The following BLK variants were observed in gnomAD, a reference collection of about 807,000 sequenced individuals.
BLK encodes tyrosine-protein kinase Blk.
BLK carries 64 observed loss-of-function variants against 61.8 expected under a neutral mutation model. The observed-to-expected ratio is 1.03, with a 90% CI of 0.85 to 1.27. BLK has a LOEUF of 1.27. Among genes scored for constraint, BLK ranks in the 50% most tolerant of loss-of-function variants. The pLI is 0.00. For synonymous variants in BLK, 351 were observed against 272.0 expected, an observed-to-expected ratio of 1.29 and a Z score of -2.86; for missense variants, 853 against 660.5, an observed-to-expected ratio of 1.29 and a Z score of -3.19.
intron 3 of BLK, among the ~76,000 whole-genome samples, chr8:11,546,429 A>C (rs1800646466): frequency 6.6e-6 from 1 of 152,226 alleles, no homozygotes; most frequent in Non-Finnish European, 1.5e-5. Context: ...TCTCAAACGC[A>C]AAGGGCTGGG....
At chr8:11,495,414 A>T (rs1006941013) in intron 1 of BLK, among the ~76,000 whole-genome samples, 1 of 152,182 alleles carries the variant, frequency 6.6e-6, no homozygotes, top group African/African-American at 2.4e-5. Context: ...AAGAGTATGG[A>T]AAGGGAGAAA....
At chr8:11,498,158 T>C (rs1387992647) in intron 1 of BLK, among the ~76,000 whole-genome samples, 1 of 152,204 alleles carries the variant, frequency 6.6e-6, no homozygotes, top group Non-Finnish European at 1.5e-5. Flanking sequence ...ATGCTGAACC[T>C]GGACCAGTGG....
intron 10 of BLK, 130 bp from the exon 11 acceptor site, chr8:11,561,172 C>G: frequency 7.6e-7 from 1 of 1,321,414 alleles, no homozygotes; most frequent in Non-Finnish European, 1.1e-6. Flanking sequence ...AACACAGTCA[C>G]CTTTCTACTC....
At chr8:11,507,698 G>A (rs1798830490) in intron 1 of BLK, among the ~76,000 whole-genome samples, 1 of 152,164 alleles carries the variant, frequency 6.6e-6, no homozygotes, top group East Asian at 1.9e-4. Context: ...CTCAGTGGGT[G>A]CCAAAGATCA....
rs775226143 is a variant in BLK at position 11,549,083 on chromosome 8, G to A, written c.329G>A (p.Ser110Asn). ...ACAGGAAGAGAAGGCTATGTGCCCA[G>A]TAACTTTGTGGCCCGAGTGGAGAGC... ...LVTGREGYVP[S>N]NFVARVESLE... The change falls in exon 5 of 13, where the codon AGT becomes AAT. Residue 110 changes from serine (S) to asparagine (N), a missense_variant. Coordinates refer to ENST00000259089, the MANE Select transcript of BLK (RefSeq NM_001715.3). 14 of 1,611,724 alleles carry A rather than the reference G, an allele frequency of 8.7e-6. No homozygotes were observed. Among genetic ancestry groups the A allele is most frequent in the Admixed American group, 3.3e-5 (2 of 59,716 alleles).
At chr8:11,548,875 G>A in intron 4 of BLK, 149 bp from the exon 5 acceptor site, 1 of 763,022 alleles carries the variant, frequency 1.3e-6, no homozygotes, top group East Asian at 2.7e-5. Flanking sequence ...CTGAGCAGTG[G>A]GCACAAGCCC....
At chr8:11,532,055 C>T (rs925693034) in intron 1 of BLK, among the ~76,000 whole-genome samples, 4 of 152,104 alleles carry the variant, frequency 2.6e-5, no homozygotes, top group African/African-American at 9.7e-5. Flanking sequence ...GATGGGGTTT[C>T]ACCATGTTGG....
intron 1 of BLK, among the ~76,000 whole-genome samples, chr8:11,541,778 G>A (rs1294755176): frequency 1.3e-5 from 2 of 152,132 alleles, no homozygotes; most frequent in African/African-American, 2.4e-5. Flanking sequence ...GATTACAGGT[G>A]TGAGCCACCG....
chr8:11,557,061 G>A (rs1801273194), intron 9 of BLK, among the ~76,000 whole-genome samples: 1 of 152,160 alleles, frequency 6.6e-6, no homozygotes, highest in Non-Finnish European at 1.5e-5. Flanking sequence ...TCTCAGCCCA[G>A]GAGCAGTTCA....
chr8:11,512,268 T>C (rs2736355), intron 1 of BLK, among the ~76,000 whole-genome samples: 127,671 of 152,210 alleles, frequency 0.84, 53,745 homozygotes, highest in Admixed American at 0.89. Context: ...CAAGCAGACC[T>C]GTGGAGGACA....
At chr8:11,500,529 T>C (rs1398390535) in intron 1 of BLK, among the ~76,000 whole-genome samples, 4 of 151,840 alleles carry the variant, frequency 2.6e-5, no homozygotes, top group Non-Finnish European at 5.9e-5. Flanking sequence ...TGTTTTTGTT[T>C]GTTTGAGATA....
intron 1 of BLK, among the ~76,000 whole-genome samples, chr8:11,507,227 G>C (rs1798807808): frequency 6.6e-6 from 1 of 152,222 alleles, no homozygotes; most frequent in Admixed American, 6.5e-5. Flanking sequence ...ACTGAAGCGG[G>C]CTAGGGAGGA....
chr8:11,534,992 G>A (rs1800053187), intron 1 of BLK, among the ~76,000 whole-genome samples: 2 of 152,074 alleles, frequency 1.3e-5, no homozygotes, highest in Non-Finnish European at 2.9e-5. Flanking sequence ...TGGGCAACAT[G>A]ATGAAATCCC....
In BLK at chr8:11,554,861, G is replaced by C. The variant is rs140834602; in HGVS notation, c.591G>C (p.Ser197=). The C allele has an allele frequency of 6.2e-7, 1 of 1,613,672 alleles. No individual in the cohort carries two copies. The highest frequency in any genetic ancestry group is 8.5e-7 in the Non-Finnish European group (1 of 1,179,980). ...YYISPRITFP[S]LQALVQHYSK... The stretch of plus-strand genomic sequence containing the variant: ...TCTCCCCCCGGATCACCTTCCCCTC[G>C]CTCCAGGCCCTGGTGCAGCACTATT... Residue 197 remains serine, a synonymous_variant, in exon 7 of 13, where the codon TCG becomes TCC. Coordinates refer to ENST00000259089, the MANE Select transcript of BLK (RefSeq NM_001715.3).
At chr8:11,546,563 C>G (rs1800654671) in intron 3 of BLK, among the ~76,000 whole-genome samples, 1 of 152,042 alleles carries the variant, frequency 6.6e-6, no homozygotes, top group Non-Finnish European at 1.5e-5. Context: ...ACGCCCCTAC[C>G]TGGTCCCCAG....
intron 1 of BLK, among the ~76,000 whole-genome samples, chr8:11,527,435 T>C (rs899240938): frequency 1.3e-5 from 2 of 152,168 alleles, no homozygotes; most frequent in African/African-American, 4.8e-5. Flanking sequence ...TGATCTACTT[T>C]CTAGAACCAT....
At chr8:11,563,232 C>A in intron 12 of BLK, 122 bp downstream of exon 12, 1 of 1,426,130 alleles carries the variant, frequency 7.0e-7, no homozygotes, top group South Asian at 1.3e-5. Context: ...AGAGCGAAGA[C>A]GGAGACCCAG....
chr8:11,559,112 C>T (rs184841165), intron 10 of BLK: 2 of 410,814 alleles, frequency 4.9e-6, no homozygotes, highest in African/African-American at 4.1e-5. Context: ...TCAATCCCCA[C>T]TACACCCCCT....
intron 1 of BLK, among the ~76,000 whole-genome samples, chr8:11,517,943 C>G (rs1799291903): frequency 1.3e-5 from 2 of 152,198 alleles, no homozygotes; most frequent in Non-Finnish European, 2.9e-5. Flanking sequence ...GCCCTGTGCC[C>G]ACTGAGGGAG....
Sources: gnomAD v4.1 joint callset for allele counts (sites outside exome capture counted in the v4.1 genomes callset) on GRCh38, gnomAD v4.1.1 for gene constraint, MANE v1.5 for transcripts, NCBI Gene and HGNC (gene_info 2026-07-23, HGNC 2026-07-21) for gene names.